The following DNAH17 variants were observed in gnomAD, a reference collection of about 807,000 sequenced individuals.
DNAH17 encodes dynein axonemal heavy chain 17, also known as axonemal beta dynein heavy chain 17.
A neutral mutation model predicts 485.6 loss-of-function variants in DNAH17; 376 were observed. The ratio of observed to expected loss-of-function variants is 0.77; its 90% CI spans 0.71 to 0.84. DNAH17 has a LOEUF of 0.84. Ranked by LOEUF, DNAH17 falls within the 40% of genes least tolerant of loss-of-function variation. The pLI, the probability that DNAH17 is intolerant of heterozygous loss-of-function variation, is 0.00. For missense variants in DNAH17, 6,370 were observed against 5,839.3 expected, an observed-to-expected ratio of 1.09 and a Z score of -2.96; for synonymous variants, 3,031 against 2,405.9, an observed-to-expected ratio of 1.26 and a Z score of -7.60.
At position 78,425,406 on chromosome 17, in the gene DNAH17, G is replaced by T. The variant is rs779671496; in HGVS notation, c.13081C>A (p.Arg4361=). Residue 4361 remains arginine, a synonymous_variant, in exon 80 of 81, where the codon CGA becomes AGA. Coordinates refer to ENST00000389840, the MANE Select transcript of DNAH17 (RefSeq NM_173628.4). ...CLSVEVTKKN[R]EDMTAPPREG... Reference sequence around the variant, plus strand: ...CGCGGAGGAGCGGTCATGTCCTCTCGGTTTTTCTTGGTCACCTCGACAGAC... The same window carrying T: ...CGCGGAGGAGCGGTCATGTCCTCTCTGTTTTTCTTGGTCACCTCGACAGAC... 6.2e-7 allele frequency: 1 copy of T among 1,613,972 alleles called. No individual in the cohort carries two copies. The highest frequency in any genetic ancestry group is 8.5e-7 in the Non-Finnish European group (1 of 1,179,884).
intron 16 of DNAH17, among the ~76,000 whole-genome samples, chr17:78,545,287 T>A (rs2143502085): frequency 6.6e-6 from 1 of 152,340 alleles, no homozygotes; most frequent in South Asian, 2.1e-4. Context: ...TATTAGCAGT[T>A]TTATTGCTTC....
At chr17:78,498,664 TTTCC>T (rs1158936969) in intron 37 of DNAH17, among the ~76,000 whole-genome samples, 3 of 152,348 alleles carry the variant, frequency 2.0e-5, no homozygotes, top group African/African-American at 7.2e-5. Flanking sequence ...CCTTTCTTTC[TTTCC>T]TGCCATTCCC....
intron 58 of DNAH17, 44 bp from the exon 59 acceptor site, chr17:78,460,301 T>C (rs1379651037): frequency 7.0e-7 from 1 of 1,419,094 alleles, no homozygotes; most frequent in Non-Finnish European, 9.5e-7. Flanking sequence ...GGCCTGTCCA[T>C]GTGCCTGTGG....
Position 78,429,188 on chromosome 17 carries a change from G to T in DNAH17, c.12338C>A (p.Thr4113Lys), listed in dbSNP as rs142758365. The change falls in exon 76 of 81, where the codon ACG (threonine) becomes AAG (lysine). Residue 4113 changes from threonine to lysine, a missense_variant. Transcript: ENST00000389840. The stretch of plus-strand genomic sequence containing the variant: ...CAGGACGTCTCCCTCCAGCATCTCC[G>T]TCCGGATGTATTCAGCCAGGTAGGT... ...CRTYLAEYIR[T>K]EMLEGDVLLA... is the part of the protein sequence containing the mutation. 1.9e-6 allele frequency: 3 copies of T among 1,613,780 alleles called. No individual in the cohort carries two copies. The highest frequency in any genetic ancestry group is 3.3e-5 in the Admixed American group (2 of 60,004).
intron 50 of DNAH17, 66 bp from the exon 51 acceptor site, chr17:78,479,182 A>C: frequency 1.0e-5 from 15 of 1,503,536 alleles, no homozygotes; most frequent in Non-Finnish European, 1.3e-5. Flanking sequence ...TGCAAGCCTC[A>C]AGTTTCTAAA....
Position 78,463,018 on chromosome 17 carries a change from C to T in DNAH17, c.9000G>A (p.Glu3000=). 1 of 1,614,008 alleles carries T rather than the reference C, an allele frequency of 6.2e-7. No individual in the cohort carries two copies. Among genetic ancestry groups the T allele is most frequent in the Non-Finnish European group, 8.5e-7 (1 of 1,179,904 alleles). Residue 3000 remains glutamate, a synonymous_variant, in exon 57 of 81, where the codon GAG becomes GAA. Coordinates refer to ENST00000389840, the MANE Select transcript of DNAH17 (RefSeq NM_173628.4). ...FMSYVHTTVN[E]MSRVYLATER... Reference sequence around the variant, plus strand: ...CAGTAGCCAGGTATACCCTGGACATCTCGTTGACGGTGGTGTGCACGTAGG... The same window carrying T: ...CAGTAGCCAGGTATACCCTGGACATTTCGTTGACGGTGGTGTGCACGTAGG...
intron 73 of DNAH17, among the ~76,000 whole-genome samples, chr17:78,438,092 T>C (rs1033985674): frequency 2.0e-5 from 3 of 152,086 alleles, no homozygotes; most frequent in African/African-American, 7.2e-5. Context: ...GAATCTATTT[T>C]TGTGTTCAAT....
chr17:78,523,522 T>TA (rs78972421), intron 25 of DNAH17, among the ~76,000 whole-genome samples: 3 of 152,008 alleles, frequency 2.0e-5, no homozygotes, highest in Admixed American at 6.6e-5. Flanking sequence ...TAAAAAAACT[T>TA]AAAAAAAGTC....
At chr17:78,552,049 T>C (rs1267279098) in intron 15 of DNAH17, among the ~76,000 whole-genome samples, 1 of 151,514 alleles carries the variant, frequency 6.6e-6, no homozygotes, top group South Asian at 2.1e-4. Flanking sequence ...CCTGGGAAAA[T>C]ACTCCTATTC....
chr17:78,485,530 C>T lies in DNAH17; in HGVS notation c.7483+20G>A, dbSNP rs756242651. On this transcript the variant is annotated intron_variant, in intron 47 of 80. Coordinates refer to ENST00000389840, the MANE Select transcript of DNAH17 (RefSeq NM_173628.4). ...GCGGGGGGCAGCCGGGTAGGCAGGG[C>T]GTGGCCGGACCAGCCTCACCCTGCA... 126 of 1,557,534 alleles carry T rather than the reference C, an allele frequency of 8.1e-5. No homozygotes were observed. Among genetic ancestry groups the T allele is most frequent in the Non-Finnish European group, 1.0e-4 (118 of 1,153,128 alleles).
chr17:78,472,519 C>T (rs1467106603), intron 54 of DNAH17: 1 of 277,572 alleles, frequency 3.6e-6, no homozygotes, highest in East Asian at 1.7e-4. Flanking sequence ...GCCCCTCATT[C>T]TGCTGACAGG....
At position 78,574,857 on chromosome 17, in the gene DNAH17, G is replaced by T; in HGVS notation, c.201C>A (p.Gly67=). ...CTTTGGACTTGAGGGACTGGGGGAA[G>T]CCCAGGCAGGGTATGATCATGCCGG... ...NAAGMIIPCL[G]FPQSLKSKGV... is the part of the protein sequence containing the mutation. The change falls in exon 2 of 81, where the codon GGC becomes GGA. Residue 67 remains glycine (G), a synonymous_variant. Coordinates refer to ENST00000389840, the MANE Select transcript of DNAH17 (RefSeq NM_173628.4). 3 of 1,614,034 alleles carry T rather than the reference G, an allele frequency of 1.9e-6. No individual in the cohort carries two copies. Among genetic ancestry groups the T allele is most frequent in the Non-Finnish European group, 2.5e-6 (3 of 1,179,886 alleles).
At chr17:78,518,770 A>T (rs1568188057) in intron 25 of DNAH17, among the ~76,000 whole-genome samples, 1 of 152,204 alleles carries the variant, frequency 6.6e-6, no homozygotes, top group Admixed American at 6.5e-5. Flanking sequence ...AGCTTAATAC[A>T]TTTAAAATAA....
intron 70 of DNAH17, among the ~76,000 whole-genome samples, chr17:78,445,235 T>C (rs1024567580): frequency 1.2e-4 from 1 of 8,528 alleles, no homozygotes; most frequent in African/African-American, 3.5e-4. Context: ...GAGGGGAGGC[T>C]GGGGGGAGGA....
intron 19 of DNAH17, among the ~76,000 whole-genome samples, chr17:78,535,218 G>C (rs999884989): frequency 6.6e-6 from 1 of 152,188 alleles, no homozygotes; most frequent in Non-Finnish European, 1.5e-5. Context: ...CAGTGGGAGG[G>C]GCACACCCGG....
intron 75 of DNAH17, among the ~76,000 whole-genome samples, chr17:78,432,518 G>C (rs1253578760): frequency 6.6e-6 from 1 of 152,202 alleles, no homozygotes; most frequent in Non-Finnish European, 1.5e-5. Context: ...TGCCTCCCAG[G>C]GAACTAAGCA....
chr17:78,562,022 T>TCC, intron 11 of DNAH17, 42 bp from the exon 12 acceptor site: 2 of 1,519,656 alleles, frequency 1.3e-6, no homozygotes, highest in African/African-American at 1.4e-5. Context: ...CACAGTCTCC[T>TCC]CCCCTTCCCC....
In DNAH17 at chr17:78,434,018, C is replaced by G. The variant is rs2086781321; in HGVS notation, c.12225+11G>C. ...GATATGTCCAAGTACAGGGCACACA[C>G]AGCCCCTCACCTTGGGGTTGGCCTC... is the stretch of plus-strand genomic sequence containing the variant. On this transcript the variant is annotated intron_variant, in intron 75 of 80. Coordinates refer to ENST00000389840, the MANE Select transcript of DNAH17 (RefSeq NM_173628.4). 6.5e-7 allele frequency: 1 copy of G among 1,541,040 alleles called. No homozygotes were observed. Among genetic ancestry groups the G allele is most frequent in the African/African-American group, 1.4e-5 (1 of 69,810 alleles).
At chr17:78,531,270 T>C (rs1434700083) in intron 20 of DNAH17, among the ~76,000 whole-genome samples, 2 of 152,108 alleles carry the variant, frequency 1.3e-5, no homozygotes, top group South Asian at 2.1e-4. Context: ...TCTCGCTGAG[T>C]TGATCCTTTT....
Sources: gnomAD v4.1 joint callset for allele counts (sites outside exome capture counted in the v4.1 genomes callset) on GRCh38, gnomAD v4.1.1 for gene constraint, MANE v1.5 for transcripts, NCBI Gene and HGNC (gene_info 2026-07-23, HGNC 2026-07-21) for gene names.